EPS15L1: variants seen among roughly 807,000 people sequenced by gnomAD.
EPS15L1 encodes epidermal growth factor receptor substrate 15-like 1.
Under a neutral mutation model 117.1 loss-of-function variants are expected in EPS15L1, and 43 were observed. That is an observed-to-expected ratio of 0.37 (90% CI 0.29 to 0.47). EPS15L1 has a LOEUF of 0.47. Among genes scored for constraint, EPS15L1 ranks in the 20% least tolerant of loss-of-function variants. EPS15L1 has a pLI of 0.99. For synonymous variants in EPS15L1, 459 were observed against 470.5 expected (o/e 0.98, Z 0.32); for missense variants, 981 against 1,164.0 (o/e 0.84, Z 2.29).
At chr19:16,398,862 G>A (rs2092567786) in intron 16 of EPS15L1, among the ~76,000 whole-genome samples, 1 of 152,144 alleles carries the variant, frequency 6.6e-6, no homozygotes, top group Non-Finnish European at 1.5e-5. Context: ...CACCCAATCA[G>A]CATAGCACAC....
intron 16 of EPS15L1, among the ~76,000 whole-genome samples, chr19:16,395,880 G>A (rs1004575053): frequency 6.6e-5 from 10 of 150,624 alleles, no homozygotes; most frequent in Admixed American, 1.3e-4. Context: ...AGGAGGTGGA[G>A]GTTGCAGTGA....
At chr19:16,408,924 T>C (rs1447016471) in intron 13 of EPS15L1, among the ~76,000 whole-genome samples, 1 of 152,136 alleles carries the variant, frequency 6.6e-6, no homozygotes, top group Non-Finnish European at 1.5e-5. Context: ...GAAGAGGCTC[T>C]TCAACAAATG....
chr19:16,398,596 T>A (rs965857898), intron 16 of EPS15L1, among the ~76,000 whole-genome samples: 3 of 152,204 alleles, frequency 2.0e-5, no homozygotes, highest in African/African-American at 7.2e-5. Flanking sequence ...AATCATGACC[T>A]GGATAAAGCA....
chr19:16,463,249 T>C (rs1230412760), intron 1 of EPS15L1, among the ~76,000 whole-genome samples: 1 of 152,152 alleles, frequency 6.6e-6, no homozygotes, highest in Non-Finnish European at 1.5e-5. Flanking sequence ...CACCAGGCAC[T>C]CCCACTGCTG....
At chr19:16,454,357 T>C (rs530516314) in intron 1 of EPS15L1, among the ~76,000 whole-genome samples, 1 of 152,280 alleles carries the variant, frequency 6.6e-6, no homozygotes, top group South Asian at 2.1e-4. Context: ...GCACACGGTA[T>C]CCTATCGCCC....
intron 13 of EPS15L1, among the ~76,000 whole-genome samples, chr19:16,406,400 G>A (rs932471748): frequency 2.0e-5 from 3 of 152,212 alleles, no homozygotes; most frequent in Admixed American, 1.3e-4. Context: ...AAAGTCAGGC[G>A]TGTCAGCATC....
chr19:16,453,501 C>G (rs1049057506), intron 1 of EPS15L1, among the ~76,000 whole-genome samples: 4 of 152,098 alleles, frequency 2.6e-5, no homozygotes, highest in African/African-American at 9.7e-5. Flanking sequence ...ATCATGAGGT[C>G]AGGAGATCGA....
chr19:16,452,034 G>C (rs941805770), intron 1 of EPS15L1, among the ~76,000 whole-genome samples: 1 of 151,492 alleles, frequency 6.6e-6, no homozygotes, highest in Non-Finnish European at 1.5e-5. Context: ...AGTTACTCTG[G>C]AGGCTGAGGC....
chr19:16,433,835 C>A (rs1223905354), intron 7 of EPS15L1, among the ~76,000 whole-genome samples: 1 of 152,008 alleles, frequency 6.6e-6, no homozygotes, highest in Non-Finnish European at 1.5e-5. Flanking sequence ...TGGTGGCATG[C>A]ACCTGTAATC....
At chr19:16,376,109 C>T (rs759038349) in intron 22 of EPS15L1, among the ~76,000 whole-genome samples, 3 of 152,024 alleles carry the variant, frequency 2.0e-5, no homozygotes, top group Admixed American at 6.6e-5. Flanking sequence ...GGAAAGGGCT[C>T]GGGGGCATGC....
At chr19:16,401,413 T>C (rs1015730699) in intron 16 of EPS15L1, 1 of 985,406 alleles carries the variant, frequency 1.0e-6, no homozygotes, top group Non-Finnish European at 1.2e-6. Context: ...GAGGAATCCA[T>C]GACGTACAGA....
rs988422900 is a variant in EPS15L1 at position 16,355,814 on chromosome 19, C to T, written c.2624G>A (p.Arg875Gln). The change falls in exon 24 of 24, where the codon CGG becomes CAG. Residue 875 changes from arginine (R) to glutamine (Q), a missense_variant. Coordinates refer to ENST00000455140, the MANE Select transcript of EPS15L1 (RefSeq NM_001258374.3). Reference sequence around the variant, plus strand: ...CTCCTGTTCCGCCTTCTCGCTCTCCCGCTTGGCCCACGCCAGCTGCTGCTC... The same window carrying T: ...CTCCTGTTCCGCCTTCTCGCTCTCCTGCTTGGCCCACGCCAGCTGCTGCTC... ...NEEQQLAWAK[R>Q]ESEKAEQERL... The T allele has an allele frequency of 2.0e-6, 3 of 1,536,140 alleles. No individual in the cohort carries two copies. Among genetic ancestry groups the T allele is most frequent in the East Asian group, 2.4e-5 (1 of 40,908 alleles).
intron 3 of EPS15L1, chr19:16,441,188 T>A: frequency 2.1e-6 from 1 of 482,008 alleles, no homozygotes; most frequent in Non-Finnish European, 3.8e-6. Context: ...AGTCCGCAAG[T>A]GGCCAAGCGC....
chr19:16,440,942 CT>C lies in EPS15L1; in HGVS notation c.166-34del, dbSNP rs1325227752. ...AACACAAAAATGCTCATAAGCATGA[CT>C]GCCGATCACTGTCCACGTGTTAACA... On this transcript the variant is annotated intron_variant, in intron 3 of 23. Transcript: ENST00000455140. 1.9e-6 allele frequency: 3 copies of C among 1,609,348 alleles called. No homozygotes were observed. The South Asian group carries it at 3.3e-5, about 18-fold the overall frequency.
chr19:16,470,636 G>A (rs1048369152), intron 1 of EPS15L1, among the ~76,000 whole-genome samples: 1 of 152,000 alleles, frequency 6.6e-6, no homozygotes, highest in Non-Finnish European at 1.5e-5. Context: ...ATAATCACCG[G>A]GTTTTAGCAC....
At chr19:16,441,789 A>G in intron 3 of EPS15L1, 103 bp downstream of exon 3, 1 of 834,328 alleles carries the variant, frequency 1.2e-6, no homozygotes, top group Non-Finnish European at 1.9e-6. Context: ...ACTACCCAGG[A>G]GGCCGGGCCC....
intron 19 of EPS15L1, among the ~76,000 whole-genome samples, chr19:16,391,099 C>T (rs1164564023): frequency 2.6e-5 from 4 of 152,172 alleles, no homozygotes; most frequent in Non-Finnish European, 4.4e-5. Flanking sequence ...ATTGAACCAT[C>T]GTAAGTCAGG....
intron 1 of EPS15L1, among the ~76,000 whole-genome samples, chr19:16,456,962 A>T (rs1330450647): frequency 6.6e-6 from 1 of 151,922 alleles, no homozygotes; most frequent in African/African-American, 2.4e-5. Context: ...GAACATGGGG[A>T]GGGGGTGCCT....
At chr19:16,455,324 A>C (rs1395392173) in intron 1 of EPS15L1, among the ~76,000 whole-genome samples, 1 of 151,022 alleles carries the variant, frequency 6.6e-6, no homozygotes, top group Non-Finnish European at 1.5e-5. Context: ...GGGGGGTCTC[A>C]TTATTTTGCC....
Sources: gnomAD v4.1 joint callset for allele counts (sites outside exome capture counted in the v4.1 genomes callset) on GRCh38, gnomAD v4.1.1 for gene constraint, MANE v1.5 for transcripts, NCBI Gene and HGNC (gene_info 2026-07-23, HGNC 2026-07-21) for gene names.